PRMT1: variants seen among roughly 807,000 people sequenced by gnomAD.
PRMT1 encodes the protein protein arginine N-methyltransferase 1.
PRMT1 carries 5 observed loss-of-function variants against 47.4 expected under a neutral mutation model. The ratio of observed to expected loss-of-function variants is 0.11; its 90% CI spans 0.06 to 0.22. The LOEUF (loss-of-function observed/expected upper bound fraction) is 0.22. PRMT1 is among the 10% of genes least tolerant of loss of function. PRMT1 has a pLI of 1.00. For synonymous variants in PRMT1, 227 were observed against 204.6 expected (o/e 1.11, Z -0.94); for missense variants, 249 against 518.4 (o/e 0.48, Z 5.05).
intron 10 of PRMT1, among the ~76,000 whole-genome samples, chr19:49,687,521 C>A (rs529419171): frequency 6.6e-6 from 1 of 151,886 alleles, no homozygotes; most frequent in Non-Finnish European, 1.5e-5. Flanking sequence ...CCCGCCCCCC[C>A]CCAGGACGTT....
intron 5 of PRMT1, among the ~76,000 whole-genome samples, chr19:49,683,427 G>A (rs1425924485): frequency 6.6e-6 from 1 of 151,720 alleles, no homozygotes; most frequent in African/African-American, 2.4e-5. Context: ...AGTGGCTCAC[G>A]CCTGTAATCC....
At chr19:49,676,201 A>C (rs1480468727), upstream of PRMT1, 1 of 152,256 alleles carries the variant, frequency 6.6e-6, no homozygotes, top group Non-Finnish European at 1.5e-5. Flanking sequence ...GCCAGAGAGT[A>C]TAGCCTGCGC....
At chr19:49,682,533 T>G (rs979968503) in intron 5 of PRMT1, among the ~76,000 whole-genome samples, 1 of 152,206 alleles carries the variant, frequency 6.6e-6, no homozygotes, top group African/African-American at 2.4e-5. Flanking sequence ...GTGAGAAGCC[T>G]TCCCTGTTTC....
In PRMT1 at chr19:49,684,686, C is replaced by G. The variant is rs2082178249; in HGVS notation, c.556-68C>G. On this transcript the variant is annotated intron_variant, in intron 6 of 10. Transcript: ENST00000454376. The surrounding 1 kb of genome is among the most constrained non-coding windows in gnomAD (Gnocchi z 6.2). ...CCCAGACCAGGGCAGGAGGCCACAT[C>G]TTGGAGGCAAGACTCAGGGTAGTGT... 2 of 1,499,156 alleles carry G rather than the reference C, an allele frequency of 1.3e-6. No homozygotes were observed. The highest frequency in any genetic ancestry group is 1.8e-6 in the Non-Finnish European group (2 of 1,103,394). 92.9% of individuals were successfully genotyped at this position (1,499,156 alleles called of 1,614,324 possible). A position where few individuals can be genotyped will look rare whatever the true frequency, so the allele number is the denominator to read the frequency against.
At chr19:49,679,695 C>T in intron 1 of PRMT1, 177 bp from the exon 2 acceptor site, 2 of 668,676 alleles carry the variant, frequency 3.0e-6, no homozygotes, top group Non-Finnish European at 5.5e-6. Context: ...TCTCCCCTCA[C>T]TTTTCCCACC....
At chr19:49,682,346 C>T in intron 5 of PRMT1, 87 bp downstream of exon 5, 1 of 1,355,884 alleles carries the variant, frequency 7.4e-7, no homozygotes, top group Non-Finnish European at 1.0e-6. Context: ...GTGGGGTCTA[C>T]AGATGACCAC....
Position 49,685,061 on chromosome 19 carries a change from T to C in PRMT1, c.759+24T>C. 7 of 1,613,964 alleles carry C rather than the reference T, an allele frequency of 4.3e-6. No homozygotes were observed. The highest frequency in any genetic ancestry group is 5.9e-6 in the Non-Finnish European group (7 of 1,179,946). ...AGGTGAGGGGGTGGGCATGGCCAGGTGCCCCCTGGGTTGAAACCAAAGAGA... is the reference window on the plus strand; with the variant it reads ...AGGTGAGGGGGTGGGCATGGCCAGGCGCCCCCTGGGTTGAAACCAAAGAGA... On this transcript the variant is annotated intron_variant, in intron 8 of 10. Coordinates refer to ENST00000454376, the MANE Select transcript of PRMT1 (RefSeq NM_001536.6). The surrounding 1 kb of genome is among the most constrained non-coding windows in gnomAD (Gnocchi z 4.7).
chr19:49,676,982 G>A, upstream of PRMT1: 1 of 359,624 alleles, frequency 2.8e-6, no homozygotes, highest in Non-Finnish European at 5.0e-6. Flanking sequence ...ATTCCTGGTG[G>A]ATTTTGCCCA....
chr19:49,681,967 C>T lies in PRMT1; in HGVS notation c.250C>T (p.Arg84Trp). 1.2e-6 allele frequency: 2 copies of T among 1,614,160 alleles called. No individual in the cohort carries two copies. The highest frequency in any genetic ancestry group is 1.7e-6 in the Non-Finnish European group (2 of 1,180,022). ...TTACCGCAACTCCATGTTTCATAACCGGCACCTCTTCAAGGACAAGGTGGT... is the reference window on the plus strand; with the variant it reads ...TTACCGCAACTCCATGTTTCATAACTGGCACCTCTTCAAGGACAAGGTGGT... ...LTYRNSMFHN[R>W]HLFKDKVVLD... Residue 84 changes from arginine to tryptophan, a missense_variant, in exon 4 of 11, where the codon CGG (arginine) becomes TGG (tryptophan). Arg to Trp is a moderately radical substitution (Grantham distance 101, BLOSUM62 -3). This residue lies in a region of PRMT1 where 190 missense variants were observed against 456.7 expected (regional missense o/e 0.42). Transcript: ENST00000454376. This position sits in a 1 kb window ranked among gnomAD's most constrained non-coding sequence, Gnocchi z 4.4.
At chr19:49,676,168 T>C (rs2082037620), upstream of PRMT1, 1 of 152,128 alleles carries the variant, frequency 6.6e-6, no homozygotes, top group Non-Finnish European at 1.5e-5. Context: ...AAATTTTAAG[T>C]CTCAGGCGTT....
rs1025550297 is a variant in PRMT1, at chr19:49,685,699, C to A, written c.760-394C>A. 3 of 1,042,626 alleles carry A rather than the reference C, an allele frequency of 2.9e-6. No individual in the cohort carries two copies. The highest frequency in any genetic ancestry group is 6.9e-5 in the South Asian group (2 of 28,878). 64.6% of individuals were successfully genotyped at this position (1,042,626 alleles called of 1,614,324 possible). A position where few individuals can be genotyped will look rare whatever the true frequency, so the allele number is the denominator to read the frequency against. Reference sequence around the variant, plus strand: ...AGGGGCAGGGACCCCACTCGGGCCACCCTCCTGAGAGCCAGGGGAACTGGC... The same window carrying A: ...AGGGGCAGGGACCCCACTCGGGCCAACCTCCTGAGAGCCAGGGGAACTGGC... On this transcript the variant is annotated intron_variant, in intron 8 of 10. Transcript: ENST00000454376. This position sits in a 1 kb window ranked among gnomAD's most constrained non-coding sequence, Gnocchi z 4.7.
Position 49,684,126 on chromosome 19 carries a change from G to A in PRMT1, c.555+57G>A, listed in dbSNP as rs1180391818. The A allele has an allele frequency of 1.1e-5, 18 of 1,600,682 alleles. No individual in the cohort carries two copies. Among genetic ancestry groups the A allele is most frequent in the South Asian group, 1.0e-4 (9 of 90,300 alleles). On this transcript the variant is annotated intron_variant, in intron 6 of 10. Transcript: ENST00000454376. This position sits in a 1 kb window ranked among gnomAD's most constrained non-coding sequence, Gnocchi z 6.2. Reference sequence around the variant, plus strand: ...GTGGGCTGGGGTCCAGGTAGAAGACGAAAACCACGCTCAATTTTTCCCACA... The same window carrying A: ...GTGGGCTGGGGTCCAGGTAGAAGACAAAAACCACGCTCAATTTTTCCCACA...
chr19:49,686,030 A>G, intron 8 of PRMT1, 63 bp from the exon 9 acceptor site: 1 of 1,566,544 alleles, frequency 6.4e-7, no homozygotes, highest in Non-Finnish European at 8.6e-7. Context: ...AGCTTAAGGG[A>G]GGGAGGAGGG....
Position 49,688,230 on chromosome 19 carries a change from C to G in PRMT1, c.1101C>G (p.Asp367Glu). The G allele has an allele frequency of 7.4e-6, 12 of 1,613,978 alleles. No homozygotes were observed. The highest frequency in any genetic ancestry group is 9.3e-6 in the Non-Finnish European group (11 of 1,179,914). ...TGTGCGAGCTGTCCTGCTCCACCGA[C>G]TACCGGATGCGCTGAGGCCCGGCTC... ...GQLCELSCST[D>E]YRMR The change falls in exon 11 of 11, where the codon GAC (aspartate) becomes GAG (glutamate). Residue 367 changes from aspartate (D) to glutamate (E), a missense_variant. Physicochemically the swap from Asp to Glu is conservative, Grantham distance 45. Around this residue, in one of 2 missense-constraint regions of PRMT1, gnomAD observed 190 missense variants for 456.7 expected, o/e 0.42. Transcript: ENST00000454376. The surrounding 1 kb of genome is among the most constrained non-coding windows in gnomAD (Gnocchi z 5.3).
In PRMT1 at chr19:49,680,189, C is replaced by T. The variant is rs370673129; in HGVS notation, c.90+264C>T. On this transcript the variant is annotated intron_variant, in intron 2 of 10. Coordinates refer to ENST00000454376, the MANE Select transcript of PRMT1 (RefSeq NM_001536.6). This position sits in a 1 kb window ranked among gnomAD's most constrained non-coding sequence, Gnocchi z 4.2. ...GCCCCCATTTTCCTTCCCCTCCCCT[C>T]CCCAGCTGTGGGCTGAGCTAGAGAC... 3.1e-6 allele frequency: 5 copies of T among 1,592,850 alleles called. No homozygotes were observed. The South Asian group carries it at 5.7e-5, about 18-fold the overall frequency.
At position 49,688,332 on chromosome 19, in the gene PRMT1, C is replaced by T. The variant is rs2082243247; in HGVS notation, c.*87C>T. ...TCCCCCTTCCTCTCCCTCCCTCCCGCAGAAGGGGGTTTTAGGGGCCTGGGC... is the reference window on the plus strand; with the variant it reads ...TCCCCCTTCCTCTCCCTCCCTCCCGTAGAAGGGGGTTTTAGGGGCCTGGGC... On this transcript the variant is annotated 3_prime_UTR_variant, in exon 11 of 11. Transcript: ENST00000454376. The surrounding 1 kb of genome is among the most constrained non-coding windows in gnomAD (Gnocchi z 5.3). 3.7e-6 allele frequency: 5 copies of T among 1,339,592 alleles called. No individual in the cohort carries two copies. Among genetic ancestry groups the T allele is most frequent in the Non-Finnish European group, 5.3e-6 (5 of 939,630 alleles). 83.0% of individuals were successfully genotyped at this position (1,339,592 alleles called of 1,614,324 possible).
rs2082096310 is a variant in PRMT1, at chr19:49,680,224, G to A, written c.91-263G>A. ...GGGCTGAGCTAGAGACGGGGTCAGA[G>A]AGACTGGAGAGATGGTAGGCGTGGC... On this transcript the variant is annotated intron_variant, in intron 2 of 10. Transcript: ENST00000454376. This position sits in a 1 kb window ranked among gnomAD's most constrained non-coding sequence, Gnocchi z 4.2. 1 of 1,596,982 alleles carries A rather than the reference G, an allele frequency of 6.3e-7. No homozygotes were observed.
In PRMT1 at chr19:49,686,669, G is replaced by A. The variant is rs1220058005; in HGVS notation, c.975G>A (p.Val325=). 2 of 1,612,454 alleles carry A rather than the reference G, an allele frequency of 1.2e-6. No individual in the cohort carries two copies. Among genetic ancestry groups the A allele is most frequent in the Admixed American group, 3.3e-5 (2 of 59,918 alleles). Residue 325 remains valine (V), a synonymous_variant, in exon 10 of 11, where the codon GTG becomes GTA. Coordinates refer to ENST00000454376, the MANE Select transcript of PRMT1 (RefSeq NM_001536.6). ...TCTACATGGAGGACTACCTGACCGT[G>A]AAGACGGGCGAGGAGATCTTCGGCA... ...TVFYMEDYLT[V]KTGEEIFGTI...
chr19:49,686,429 C>T (rs886740532), intron 9 of PRMT1, among the ~76,000 whole-genome samples, 176 bp from the exon 10 acceptor site: 1 of 152,026 alleles, frequency 6.6e-6, no homozygotes, highest in Non-Finnish European at 1.5e-5. Context: ...GCCTCAGTTT[C>T]CTCATCCACA....
Sources: allele counts gnomAD v4.1 joint callset (sites outside exome capture counted in the v4.1 genomes callset), GRCh38; gene constraint gnomAD v4.1.1; regional missense constraint gnomAD v4.1.1; non-coding constraint Gnocchi (gnomAD v3.1); transcripts MANE v1.5; gene names NCBI Gene and HGNC (gene_info 2026-07-23, HGNC 2026-07-21).